Variants in KY observed in about 807,000 individuals in gnomAD.
KY encodes kyphoscoliosis peptidase.
In KY, 43 loss-of-function variants were observed where a neutral mutation model predicts 76.1. The ratio of observed to expected loss-of-function variants is 0.57; its 90% CI spans 0.44 to 0.73. The LOEUF is 0.73. Ranked by LOEUF, KY falls within the 30% of genes least tolerant of loss-of-function variation. The pLI, the probability that KY is intolerant of heterozygous loss-of-function variation, is 0.00. For missense variants in KY, 722 were observed against 828.9 expected (o/e 0.87, Z 1.58); for synonymous variants, 277 against 326.2 (o/e 0.85, Z 1.63).
intron 10 of KY, chr3:134,606,923 G>C: frequency 1.0e-6 from 1 of 984,580 alleles, no homozygotes; most frequent in Non-Finnish European, 1.2e-6. Flanking sequence ...GCTCATCTCA[G>C]TTTCCCTATT....
At chr3:134,633,546 T>G (rs1964515993) in intron 3 of KY, among the ~76,000 whole-genome samples, 1 of 152,070 alleles carries the variant, frequency 6.6e-6, no homozygotes, top group East Asian at 1.9e-4. Flanking sequence ...TTTGACAAAA[T>G]TTAACATCCG....
At chr3:134,605,007 C>G (rs62269591) in intron 10 of KY, among the ~76,000 whole-genome samples, 1 of 152,272 alleles carries the variant, frequency 6.6e-6, no homozygotes, top group Admixed American at 6.5e-5. Flanking sequence ...GTTCCCTGAT[C>G]CCCACCTCCC....
At chr3:134,650,433 C>G (rs1966853587) in intron 1 of KY, among the ~76,000 whole-genome samples, 1 of 152,188 alleles carries the variant, frequency 6.6e-6, no homozygotes, top group African/African-American at 2.4e-5. Flanking sequence ...TCCCCTGTGC[C>G]CTGCAGTGTG....
Position 134,640,160 on chromosome 3 carries a change from T to C in KY, c.262+3156A>G, listed in dbSNP as rs144628924. On this transcript the variant is annotated intron_variant, in intron 3 of 10. Coordinates refer to ENST00000423778, the MANE Select transcript of KY (RefSeq NM_178554.6). ...AGAGGCTGAGGAGGAGAGAAAATGT[T>C]GAACCATTCCGAGCAATGAGTTCAG... 3.0e-4 allele frequency among the ~76,000 whole-genome samples: 45 copies of C among 150,692 alleles called. 1 individual carries two copies. The highest frequency in any genetic ancestry group is 1.1e-3 in the African/African-American group (44 of 40,886).
At chr3:134,629,772 A>G in intron 3 of KY, 77 bp from the exon 4 acceptor site, 1 of 844,078 alleles carries the variant, frequency 1.2e-6, no homozygotes, top group Non-Finnish European at 2.0e-6. Flanking sequence ...TGATGATTGA[A>G]TAAAAAAACA....
At chr3:134,622,668 A>C (rs1962835191) in intron 6 of KY, among the ~76,000 whole-genome samples, 1 of 152,224 alleles carries the variant, frequency 6.6e-6, no homozygotes, top group African/African-American at 2.4e-5. Flanking sequence ...AAAATTATTA[A>C]AATGGCAAAT....
intron 3 of KY, among the ~76,000 whole-genome samples, chr3:134,641,848 A>G (rs1965803385): frequency 6.6e-6 from 1 of 152,154 alleles, no homozygotes; most frequent in South Asian, 2.1e-4. Flanking sequence ...TGTCAGCTCC[A>G]CAAGGACAGG....
rs576304797 is a variant in KY, at chr3:134,607,569, G to T, written c.1090+1080C>A. On this transcript the variant is annotated intron_variant, in intron 10 of 10. Coordinates refer to ENST00000423778, the MANE Select transcript of KY (RefSeq NM_178554.6). ...GACCCGACTTACAGGGCTGTGCAGC[G>T]TGCCCAGGCTGTGTGCCCAGCACTG... The T allele has an allele frequency of 6.4e-5, 63 of 985,588 alleles. No individual in the cohort carries two copies. In the African/African-American group the frequency reaches 1.0e-3, roughly 16 times the overall value. 61.1% of individuals were successfully genotyped at this position (985,588 alleles called of 1,614,324 possible). A position where few individuals can be genotyped will look rare whatever the true frequency, so the allele number is the denominator to read the frequency against.
At chr3:134,644,338 C>T (rs886980921) in intron 2 of KY, among the ~76,000 whole-genome samples, 1 of 152,232 alleles carries the variant, frequency 6.6e-6, no homozygotes, top group African/African-American at 2.4e-5. Context: ...GGAGTGATGC[C>T]TAGTTCCTGC....
chr3:134,628,670 A>G (rs1433485494), intron 4 of KY, among the ~76,000 whole-genome samples: 1 of 152,218 alleles, frequency 6.6e-6, no homozygotes, highest in African/African-American at 2.4e-5. Flanking sequence ...TTTGTTACAC[A>G]CTTACTATGC....
intron 5 of KY, among the ~76,000 whole-genome samples, chr3:134,626,574 C>G (rs1412013399): frequency 6.6e-6 from 1 of 152,168 alleles, no homozygotes; most frequent in African/African-American, 2.4e-5. Flanking sequence ...GCCCACACGT[C>G]GTCAGGGCTG....
At chr3:134,619,044 A>T in intron 8 of KY, 104 bp downstream of exon 8, 3 of 912,602 alleles carry the variant, frequency 3.3e-6, no homozygotes, top group Non-Finnish European at 5.4e-6. Flanking sequence ...CAGAGTTTGT[A>T]AACTCAGGTT....
At chr3:134,628,184 C>A (rs1203377337) in intron 4 of KY, 3 of 261,758 alleles carry the variant, frequency 1.1e-5, no homozygotes, top group Admixed American at 4.9e-5. Flanking sequence ...CAGATAATGC[C>A]GGGATAAGAA....
chr3:134,607,470 TG>T, intron 10 of KY: 1 of 985,734 alleles, frequency 1.0e-6, no homozygotes, highest in Non-Finnish European at 1.2e-6. Context: ...CCTCCTGTCC[TG>T]GGCGGATGGA....
At position 134,603,902 on chromosome 3, in the gene KY, G is replaced by A; in HGVS notation, c.1663C>T (p.Leu555Phe). 2 of 1,613,988 alleles carry A rather than the reference G, an allele frequency of 1.2e-6. No individual in the cohort carries two copies. Among genetic ancestry groups the A allele is most frequent in the East Asian group, 2.2e-5 (1 of 44,880 alleles). Residue 555 changes from leucine (L) to phenylalanine (F), a missense_variant, in exon 11 of 11, where the codon CTT becomes TTT. Transcript: ENST00000423778. ...PGNYIFVFNY[L>F]VCCANTKVNW... ...ACCTTGGTGTTGGCACAGCATACAA[G>A]GTAATTAAAGACGAAGATGTAGTTT...
chr3:134,600,532 A>G lies in KY; in HGVS notation c.*3047T>C, dbSNP rs1327053945. ...AAATGGAGTCCAGCTGAGCTATGGC[A>G]CTTCTGAAACAAGCTGGAAAGAAGT... On this transcript the variant is annotated 3_prime_UTR_variant, in exon 11 of 11. Coordinates refer to ENST00000423778, the MANE Select transcript of KY (RefSeq NM_178554.6). 6.6e-6 allele frequency among the ~76,000 whole-genome samples: 1 copy of G among 152,202 alleles called. No homozygotes were observed. Among genetic ancestry groups the G allele is most frequent in the Non-Finnish European group, 1.5e-5 (1 of 68,036 alleles).
intron 3 of KY, among the ~76,000 whole-genome samples, chr3:134,639,047 C>CT (rs5852788): frequency 0.98 from 133,570 of 135,854 alleles, 65,691 homozygotes; most frequent in East Asian, 1. Flanking sequence ...CATTTACAGC[C>CT]TTTTTTTTTT....
In KY at chr3:134,602,221, A is replaced by C. The variant is rs1958998623; in HGVS notation, c.*1358T>G. Among the ~76,000 whole-genome samples the C allele has an allele frequency of 6.6e-6, 1 of 152,136 alleles. No individual in the cohort carries two copies. Among genetic ancestry groups the C allele is most frequent in the Admixed American group, 6.5e-5 (1 of 15,290 alleles). On this transcript the variant is annotated 3_prime_UTR_variant, in exon 11 of 11. Coordinates refer to ENST00000423778, the MANE Select transcript of KY (RefSeq NM_178554.6). ...TGTCTGTGTGCCAGGATGGTTCTGC[A>C]GTGGCCATGTGGGGCCTCTCTCGCC...
At chr3:134,648,477 C>T (rs994412990) in intron 1 of KY, among the ~76,000 whole-genome samples, 1 of 152,116 alleles carries the variant, frequency 6.6e-6, no homozygotes, top group African/African-American at 2.4e-5. Context: ...TGGGTCTTGC[C>T]CCAGGCAGCT....
Sources: gnomAD v4.1 joint callset for allele counts (sites outside exome capture counted in the v4.1 genomes callset) on GRCh38, gnomAD v4.1.1 for gene constraint, MANE v1.5 for transcripts, NCBI Gene and HGNC (gene_info 2026-07-23, HGNC 2026-07-21) for gene names.